The following CACNA2D1 variants were observed in gnomAD, a reference collection of about 807,000 sequenced individuals.
CACNA2D1 encodes the protein calcium voltage-gated channel auxiliary subunit alpha2delta 1.
Under a neutral mutation model 171.5 loss-of-function variants are expected in CACNA2D1, and 53 were observed. That is an observed-to-expected ratio of 0.31 (90% confidence interval 0.25 to 0.39). The LOEUF is 0.39. Ranked by LOEUF, CACNA2D1 falls within the 10% of genes least tolerant of loss-of-function variation. The pLI is 1.00. For synonymous variants in CACNA2D1, 442 were observed against 443.1 expected, an observed-to-expected ratio of 1.00 and a Z score of 0.03; for missense variants, 903 against 1,299.8, an observed-to-expected ratio of 0.69 and a Z score of 4.69.
At chr7:82,123,130 G>C (rs987379149) in intron 5 of CACNA2D1, among the ~76,000 whole-genome samples, 1 of 152,100 alleles carries the variant, frequency 6.6e-6, no homozygotes, top group Non-Finnish European at 1.5e-5. Flanking sequence ...AAATATATCA[G>C]GACAGGCTTG....
At chr7:82,438,010 C>G (rs1391469815) in intron 1 of CACNA2D1, among the ~76,000 whole-genome samples, 3 of 152,126 alleles carry the variant, frequency 2.0e-5, no homozygotes, top group Non-Finnish European at 2.9e-5. Context: ...GGTATAGTTT[C>G]TTTCTCACAC....
chr7:82,301,283 C>T (rs1812966975), intron 3 of CACNA2D1, among the ~76,000 whole-genome samples: 1 of 152,074 alleles, frequency 6.6e-6, no homozygotes, highest in Non-Finnish European at 1.5e-5. Context: ...TGCGCCACCA[C>T]ACCCGGTTAA....
rs151098117 is a variant in CACNA2D1, at chr7:82,040,339, A to C, written c.880-2104T>G. 5.3e-3 allele frequency among the ~76,000 whole-genome samples: 803 copies of C among 151,810 alleles called. 10 individuals are homozygous for C. Among genetic ancestry groups the C allele is most frequent in the African/African-American group, 0.018 (764 of 41,404 alleles). On this transcript the variant is annotated intron_variant, in intron 10 of 38. Coordinates refer to ENST00000356860, the MANE Select transcript of CACNA2D1 (RefSeq NM_000722.4). ...TGAGGAATAGAGAAGAGAAGCACAG[A>C]GTTCAATTTAGGGTGAGGTTTCAAT...
intron 24 of CACNA2D1, among the ~76,000 whole-genome samples, chr7:81,978,146 A>C (rs1278929647): frequency 6.6e-5 from 10 of 152,204 alleles, no homozygotes; most frequent in African/African-American, 2.2e-4. Context: ...GTGGGAGTGT[A>C]AATTGGTTCA....
At chr7:82,429,646 G>A (rs1829505690) in intron 1 of CACNA2D1, among the ~76,000 whole-genome samples, 1 of 152,124 alleles carries the variant, frequency 6.6e-6, no homozygotes, top group African/African-American at 2.4e-5. Flanking sequence ...GGAGATGAAT[G>A]ACCTCATATA....
Position 82,224,202 on chromosome 7 carries a change from G to T in CACNA2D1, c.295-53593C>A, listed in dbSNP as rs1434038341. 2.6e-5 allele frequency among the ~76,000 whole-genome samples: 4 copies of T among 152,242 alleles called. No homozygotes were observed. The East Asian group carries it at 7.7e-4, about 29-fold the overall frequency. On this transcript the variant is annotated intron_variant, in intron 3 of 38. Transcript: ENST00000356860. ...TGAATAAATAAATAAATATATTATT[G>T]ATAATAATTCCTTAAAATCCTAGTT...
Position 82,066,526 on chromosome 7 carries a change from T to TAA in CACNA2D1, c.659-4_659-3dup, listed in dbSNP as rs370103843. The stretch of plus-strand genomic sequence containing the variant: ...TACTATTATCAACCCATGGTGAAGC[T>TAA]AAAAAAAAAAAAAAAAGAGAGATAT... On this transcript the variant is annotated splice_region_variant and splice_polypyrimidine_tract_variant and intron_variant, in intron 7 of 38. Coordinates refer to ENST00000356860, the MANE Select transcript of CACNA2D1 (RefSeq NM_000722.4). The TAA allele has an allele frequency of 5.7e-3, 8,246 of 1,444,058 alleles. 7 individuals are homozygous for TAA. Among genetic ancestry groups the TAA allele is most frequent in the South Asian group, 6.2e-3 (451 of 73,330 alleles). The allele number at this position is 1,444,058 out of a possible 1,614,324, so 89.5% of individuals were successfully genotyped here. A position where few individuals can be genotyped will look rare whatever the true frequency, so the allele number is the denominator to read the frequency against.
chr7:82,292,710 A>C (rs888720101), intron 3 of CACNA2D1, among the ~76,000 whole-genome samples: 5 of 152,100 alleles, frequency 3.3e-5, no homozygotes, highest in Admixed American at 3.3e-4. Context: ...CAGTGTTCCC[A>C]AACCTCTTGT....
chr7:82,265,484 A>G (rs1469653267), intron 3 of CACNA2D1, among the ~76,000 whole-genome samples: 1 of 145,048 alleles, frequency 6.9e-6, no homozygotes, highest in East Asian at 2.0e-4. Flanking sequence ...CAAAGAACAC[A>G]TTTGGATTTC....
Position 81,970,695 on chromosome 7 carries a change from A to G in CACNA2D1, c.2184T>C (p.Ile728=). 1 of 1,583,514 alleles carries G rather than the reference A, an allele frequency of 6.3e-7. No individual in the cohort carries two copies. Among genetic ancestry groups the G allele is most frequent in the Non-Finnish European group, 8.7e-7 (1 of 1,152,688 alleles). Residue 728 remains isoleucine (I), a synonymous_variant, in exon 27 of 39, where the codon ATT becomes ATC. Coordinates refer to ENST00000356860, the MANE Select transcript of CACNA2D1 (RefSeq NM_000722.4). The stretch of plus-strand genomic sequence containing the variant: ...CTTACTCTTTGGGATAAACTCTGGT[A>G]ATCCCACCATCAGTCACAACAAATC... The part of the protein sequence containing the change: ...KARFVVTDGG[I]TRVYPKEAGE...
chr7:82,108,731 T>A (rs1788040224), intron 6 of CACNA2D1, among the ~76,000 whole-genome samples: 1 of 152,186 alleles, frequency 6.6e-6, no homozygotes, highest in Admixed American at 6.5e-5. Context: ...ATGTATTACA[T>A]AAATGTTATT....
chr7:82,289,093 T>C (rs372270796), intron 3 of CACNA2D1, among the ~76,000 whole-genome samples: 2 of 152,204 alleles, frequency 1.3e-5, no homozygotes, highest in Non-Finnish European at 2.9e-5. Flanking sequence ...AAAGTAGTTA[T>C]CTATTTGTCC....
At chr7:82,048,258 AT>A (rs1016675073) in intron 10 of CACNA2D1, among the ~76,000 whole-genome samples, 1 of 152,130 alleles carries the variant, frequency 6.6e-6, no homozygotes, top group Admixed American at 6.5e-5. Flanking sequence ...TATGATATAA[AT>A]TAATGACAAA....
chr7:82,071,229 G>A (rs570280409), intron 7 of CACNA2D1, among the ~76,000 whole-genome samples: 1 of 152,276 alleles, frequency 6.6e-6, no homozygotes, highest in East Asian at 1.9e-4. Context: ...GCCAGAAAGT[G>A]TTTTAGACAA....
At chr7:82,218,770 T>A (rs1801447332) in intron 3 of CACNA2D1, among the ~76,000 whole-genome samples, 1 of 152,174 alleles carries the variant, frequency 6.6e-6, no homozygotes, top group African/African-American at 2.4e-5. Context: ...TTTAGTGCAA[T>A]GTGGAATCTT....
intron 3 of CACNA2D1, among the ~76,000 whole-genome samples, chr7:82,227,200 A>G (rs1802455538): frequency 6.6e-6 from 1 of 152,230 alleles, no homozygotes; most frequent in East Asian, 1.9e-4. Context: ...CAATGAGTTC[A>G]GGAATTTCAG....
chr7:82,068,427 G>T (rs927737680), intron 7 of CACNA2D1, among the ~76,000 whole-genome samples: 2 of 152,128 alleles, frequency 1.3e-5, no homozygotes, highest in African/African-American at 4.8e-5. Context: ...GGAACTGGGG[G>T]ATTAGGACCT....
chr7:82,142,683 C>T (rs1161180023), intron 4 of CACNA2D1, among the ~76,000 whole-genome samples: 1 of 152,308 alleles, frequency 6.6e-6, no homozygotes, highest in East Asian at 1.9e-4. Flanking sequence ...GATTCACAGC[C>T]TGACAAGTTT....
chr7:82,346,219 C>T (rs1170389717), intron 2 of CACNA2D1, among the ~76,000 whole-genome samples: 2 of 152,172 alleles, frequency 1.3e-5, no homozygotes, highest in African/African-American at 4.8e-5. Context: ...GCTTACCTCT[C>T]AACTGCTATG....
Sources: gnomAD v4.1 joint callset for allele counts (sites outside exome capture counted in the v4.1 genomes callset) on GRCh38, gnomAD v4.1.1 for gene constraint, MANE v1.5 for transcripts, NCBI Gene and HGNC (gene_info 2026-07-23, HGNC 2026-07-21) for gene names.